AR: variants seen among roughly 807,000 people sequenced by gnomAD.
AR encodes androgen receptor, also known as dihydrotestosterone receptor.
In AR, 8 loss-of-function variants were observed where a neutral mutation model predicts 53.9. That is an observed-to-expected ratio of 0.15 (90% CI 0.09 to 0.27). AR has a LOEUF of 0.27. Ranked by LOEUF, AR falls within the 10% of genes least tolerant of loss-of-function variation. The pLI, the probability that AR is intolerant of heterozygous loss-of-function variation, is 1.00. For missense variants in AR, 639 were observed against 742.5 expected (o/e 0.86, Z 1.62); for synonymous variants, 359 against 316.4 (o/e 1.13, Z -1.43).
chrX:67,620,180 C>A (rs1924302948), intron 1 of AR, among the ~76,000 whole-genome samples: 1 of 110,670 alleles, frequency 9.0e-6, no homozygotes, highest in Non-Finnish European at 1.9e-5. Flanking sequence ...CTTGGCTGAA[C>A]ATTTTTCACA....
At chrX:67,720,566 G>C (rs2076131522) in intron 5 of AR, among the ~76,000 whole-genome samples, 1 of 111,689 alleles carries the variant, frequency 9.0e-6, no homozygotes, top group South Asian at 3.8e-4. Context: ...ACACTGTTCT[G>C]CTCAATTGAT....
In AR at chrX:67,627,955, G is replaced by A. The variant is rs189317922; in HGVS notation, c.1617-15301G>A. On this transcript the variant is annotated intron_variant, in intron 1 of 7. Transcript: ENST00000374690. ...AAAGATCAGATAGTTGTAGATATGC[G>A]GCATTATTTCTGAGGGCTCTGTTCT... 8.0e-3 allele frequency among the ~76,000 whole-genome samples: 891 copies of A among 111,220 alleles called. 8 individuals are homozygous for A. The highest frequency in any genetic ancestry group is 0.028 in the African/African-American group (846 of 30,584).
chrX:67,600,862 A>G (rs1923321930), intron 1 of AR, among the ~76,000 whole-genome samples: 1 of 111,464 alleles, frequency 9.0e-6, no homozygotes, highest in Non-Finnish European at 1.9e-5. Flanking sequence ...AAAACTGTGC[A>G]TTAAAGAAAA....
intron 4 of AR, 83 bp downstream of exon 4, chrX:67,711,772 G>A (rs2147525668): frequency 1.0e-6 from 1 of 985,723 alleles, no homozygotes; most frequent in East Asian, 3.2e-5. Context: ...CATGTCTGGT[G>A]CTTTTCTGCC....
chrX:67,626,288 A>G (rs1340719802), intron 1 of AR, among the ~76,000 whole-genome samples: 1 of 109,660 alleles, frequency 9.1e-6, no homozygotes, highest in Non-Finnish European at 1.9e-5. Context: ...GTTTCAGCTC[A>G]TGGAGATAGA....
intron 2 of AR, among the ~76,000 whole-genome samples, chrX:67,672,162 T>C (rs753987296): frequency 1.3e-4 from 14 of 111,749 alleles, no homozygotes; most frequent in Non-Finnish European, 2.3e-4. Flanking sequence ...TATCACTCTG[T>C]ATGTTTTTGC....
chrX:67,671,063 A>G (rs1465039893), intron 2 of AR, among the ~76,000 whole-genome samples: 1 of 112,061 alleles, frequency 8.9e-6, no homozygotes, highest in East Asian at 2.8e-4. Context: ...CAATAAACAT[A>G]CGTGTGCATT....
At chrX:67,680,875 C>T (rs2075929418) in intron 2 of AR, 4 of 293,226 alleles carry the variant, frequency 1.4e-5, no homozygotes, top group African/African-American at 8.2e-5. Flanking sequence ...GCCTTTGAAT[C>T]ATACTTAAGT....
rs2076152938 is a variant in AR at position 67,725,231 on chromosome X, C to T, written c.*1390C>T. 1 of 173,535 alleles carries T rather than the reference C, an allele frequency of 5.8e-6. No individual in the cohort carries two copies. Among genetic ancestry groups the T allele is most frequent in the African/African-American group, 3.0e-5 (1 of 33,733 alleles). 14.3% of individuals were successfully genotyped at this position (173,535 alleles called of 1,213,427 possible). ...ACCAAGAAGGTTAGCAGGCCAACAG[C>T]TCTGACATCTATCTGTAGATGCCAG... On this transcript the variant is annotated 3_prime_UTR_variant, in exon 8 of 8. Coordinates refer to ENST00000374690, the MANE Select transcript of AR (RefSeq NM_000044.6).
At chrX:67,663,726 A>T (rs950787648) in intron 2 of AR, among the ~76,000 whole-genome samples, 3 of 112,288 alleles carry the variant, frequency 2.7e-5, no homozygotes, top group Middle Eastern at 4.6e-3. Context: ...GTGTTTTCCA[A>T]CTTGGTTCCA....
rs767779993 is a variant in AR at position 67,730,316 on chromosome X, G to A, written c.*6475G>A. 4.6e-5 allele frequency: 8 copies of A among 173,891 alleles called. No homozygotes were observed. Among genetic ancestry groups the A allele is most frequent in the East Asian group, 8.1e-5 (1 of 12,323 alleles). The allele number at this position is 173,891 out of a possible 1,213,427, so 14.3% of individuals were successfully genotyped here. A position where few individuals can be genotyped will look rare whatever the true frequency, so the allele number is the denominator to read the frequency against. On this transcript the variant is annotated 3_prime_UTR_variant, in exon 8 of 8. Transcript: ENST00000374690. ...CTGGGCAGCAGGACCAGCTCCAAGCGCTAGTGTTCTGTTCTCTTTTTGTAA... is the reference window on the plus strand; with the variant it reads ...CTGGGCAGCAGGACCAGCTCCAAGCACTAGTGTTCTGTTCTCTTTTTGTAA...
At chrX:67,638,716 A>G (rs1299184617) in intron 1 of AR, among the ~76,000 whole-genome samples, 3 of 111,579 alleles carry the variant, frequency 2.7e-5, no homozygotes, top group Admixed American at 9.5e-5. Flanking sequence ...CACATTCTGG[A>G]TATTAATTAA....
At chrX:67,563,736 T>G (rs1448044311) in intron 1 of AR, among the ~76,000 whole-genome samples, 1 of 112,207 alleles carries the variant, frequency 8.9e-6, no homozygotes, top group East Asian at 2.8e-4. Flanking sequence ...AAATCTCTTA[T>G]TGGTTGATGT....
intron 2 of AR, among the ~76,000 whole-genome samples, chrX:67,657,433 C>T (rs1046734707): frequency 1.8e-5 from 2 of 111,385 alleles, no homozygotes; most frequent in African/African-American, 6.5e-5. Context: ...CCCGCCCTCT[C>T]CTGTACTCCA....
chrX:67,635,894 C>T (rs1925407547), intron 1 of AR, among the ~76,000 whole-genome samples: 1 of 111,235 alleles, frequency 9.0e-6, no homozygotes, highest in Non-Finnish European at 1.9e-5. Flanking sequence ...CACTTGTTCT[C>T]AAAGCAAACC....
At position 67,546,366 on chromosome X, in the gene AR, G is replaced by T. The variant is rs1216281273; in HGVS notation, c.1220G>T (p.Arg407Leu). The T allele has an allele frequency of 3.4e-6, 4 of 1,182,746 alleles. No homozygotes were observed. The highest frequency in any genetic ancestry group is 3.5e-5 in the African/African-American group (2 of 56,454). ...TGGGCGGCTGCGGCGGCGCAGTGCC[G>T]CTATGGGGACCTGGCGAGCCTGCAT... ...SAWAAAAAQCRYGDLASLHGA... is the reference protein window; with the variant it reads ...SAWAAAAAQCLYGDLASLHGA... Residue 407 changes from arginine (R) to leucine (L), a missense_variant, in exon 1 of 8, where the codon CGC (arginine) becomes CTC (leucine). Around this residue, in one of 5 missense-constraint regions of AR, gnomAD observed 423 missense variants for 377.0 expected, o/e 1.12. Transcript: ENST00000374690.
intron 1 of AR, among the ~76,000 whole-genome samples, chrX:67,632,300 G>C (rs1055118798): frequency 8.8e-6 from 1 of 113,125 alleles, no homozygotes; most frequent in South Asian, 3.6e-4. Flanking sequence ...GACTCCATGG[G>C]CGTAGGACCC....
chrX:67,671,207 A>G (rs1170972223), intron 2 of AR, among the ~76,000 whole-genome samples: 1 of 111,959 alleles, frequency 8.9e-6, no homozygotes, highest in Non-Finnish European at 1.9e-5. Flanking sequence ...GAACTAATTT[A>G]TGCTCCCACC....
intron 3 of AR, among the ~76,000 whole-genome samples, chrX:67,705,969 A>G (rs1011426421): frequency 9.8e-5 from 11 of 111,721 alleles, no homozygotes. Context: ...CATATGTGGA[A>G]CCAGTCTTGC....
Sources: allele counts gnomAD v4.1 joint callset (sites outside exome capture counted in the v4.1 genomes callset), GRCh38; gene constraint gnomAD v4.1.1; regional missense constraint gnomAD v4.1.1; transcripts MANE v1.5; gene names NCBI Gene and HGNC (gene_info 2026-07-23, HGNC 2026-07-21).